FXR2: variants seen among roughly 807,000 people sequenced by gnomAD.
The protein encoded by FXR2 is FMR1 autosomal homolog 2.
FXR2 carries 9 observed loss-of-function variants against 87.3 expected under a neutral mutation model. The observed-to-expected ratio is 0.10, with a 90% CI of 0.06 to 0.18. The LOEUF is 0.18. FXR2 is among the 10% of genes least tolerant of loss of function. The pLI is 1.00. For synonymous variants in FXR2, 331 were observed against 328.3 expected (o/e 1.01, Z -0.09); for missense variants, 661 against 893.6 (o/e 0.74, Z 3.32).
At position 7,602,585 on chromosome 17, in the gene FXR2, C is replaced by G. The variant is rs190802025; in HGVS notation, c.543+324G>C. On this transcript the variant is annotated intron_variant, in intron 6 of 16. Transcript: ENST00000250113. ...TCCATCTCAAAAAAAAAAAAATTAG[C>G]CGGCGTGGTGACGCACACCTGTAAT... 2.9e-3 allele frequency: 497 copies of G among 173,402 alleles called. 1 individual carries two copies. Among genetic ancestry groups the G allele is most frequent in the African/African-American group, 0.011 (467 of 40,798 alleles). 10.7% of individuals were successfully genotyped at this position (173,402 alleles called of 1,614,324 possible).
rs1284591155 is a variant in FXR2, at chr17:7,594,547, A to G, written c.910+132T>C. 2 of 746,432 alleles carry G rather than the reference A, an allele frequency of 2.7e-6. No homozygotes were observed. Among genetic ancestry groups the G allele is most frequent in the African/African-American group, 1.8e-5 (1 of 57,138 alleles). 46.2% of individuals were successfully genotyped at this position (746,432 alleles called of 1,614,324 possible). A position where few individuals can be genotyped will look rare whatever the true frequency, so the allele number is the denominator to read the frequency against. On this transcript the variant is annotated intron_variant, in intron 9 of 16. Transcript: ENST00000250113. This position sits in a 1 kb window ranked among gnomAD's most constrained non-coding sequence, Gnocchi z 5.1. ...TTATTCTTTCATTTTTATCACTCCC[A>G]TTACAGACTGTTTCTCTGTCCTTGT...
At chr17:7,612,405 T>TA (rs899067395) in intron 1 of FXR2, among the ~76,000 whole-genome samples, 13 of 152,216 alleles carry the variant, frequency 8.5e-5, no homozygotes, top group Admixed American at 8.5e-4. Context: ...AGAAAGGAAT[T>TA]AGAGACTTTT....
At chr17:7,612,505 A>C (rs754357651) in intron 1 of FXR2, among the ~76,000 whole-genome samples, 1 of 152,192 alleles carries the variant, frequency 6.6e-6, no homozygotes. Flanking sequence ...AAAAGAGATC[A>C]GCAGGGAGCT....
chr17:7,604,038 G>T lies in FXR2; in HGVS notation c.271C>A (p.Leu91Met). The T allele has an allele frequency of 6.3e-7, 1 of 1,588,440 alleles. No individual in the cohort carries two copies. Among genetic ancestry groups the T allele is most frequent in the South Asian group, 1.1e-5 (1 of 87,144 alleles). The change falls in exon 4 of 17, where the codon CTG becomes ATG. Residue 91 changes from leucine (L) to methionine (M), a missense_variant. Leu to Met is a conservative substitution (Grantham distance 15). Around this residue, in one of 3 missense-constraint regions of FXR2, gnomAD observed 170 missense variants for 247.2 expected, o/e 0.69. Coordinates refer to ENST00000250113, the MANE Select transcript of FXR2 (RefSeq NM_004860.4). ...CCCTTCATCATCCGCACCCGGGCCA[G>T]CCACCAGCCACAAGGTTCCTGTTCA... ...ANEQEPCGWW[L>M]ARVRMMKGDF...
chr17:7,605,318 A>C (rs1002986716), intron 3 of FXR2, among the ~76,000 whole-genome samples: 4 of 152,054 alleles, frequency 2.6e-5, no homozygotes, highest in Non-Finnish European at 5.9e-5. Flanking sequence ...CAGTTAGCTG[A>C]GATCGCGCCA....
Position 7,592,860 on chromosome 17 carries a change from T to C in FXR2, c.1563A>G (p.Leu521=). Residue 521 remains leucine, a synonymous_variant, in exon 14 of 17, where the codon CTA becomes CTG. Coordinates refer to ENST00000250113, the MANE Select transcript of FXR2 (RefSeq NM_004860.4). The surrounding 1 kb of genome is among the most constrained non-coding windows in gnomAD (Gnocchi z 4.8). ...LKDPDSNPYS[L]LDTSEPEPPV... ...GGGGCTCTGGTTCAGACGTGTCCAATAGGCTGTAGGGATTACTGTCTGGAT... is the reference window on the plus strand; with the variant it reads ...GGGGCTCTGGTTCAGACGTGTCCAACAGGCTGTAGGGATTACTGTCTGGAT... 2.5e-6 allele frequency: 4 copies of C among 1,601,578 alleles called. No homozygotes were observed. The highest frequency in any genetic ancestry group is 3.4e-6 in the Non-Finnish European group (4 of 1,173,506).
intron 1 of FXR2, among the ~76,000 whole-genome samples, chr17:7,613,582 G>T (rs911843823): frequency 6.6e-6 from 1 of 152,218 alleles, no homozygotes; most frequent in African/African-American, 2.4e-5. Flanking sequence ...AACTGGGATA[G>T]TTGGCCAAGA....
intron 7 of FXR2, among the ~76,000 whole-genome samples, chr17:7,600,082 G>C (rs1415201177): frequency 6.7e-6 from 1 of 150,284 alleles, no homozygotes; most frequent in Non-Finnish European, 1.5e-5. Context: ...AGTTTTAGTA[G>C]AGACGGGGTT....
rs1047022175 is a variant in FXR2 at position 7,591,518 on chromosome 17, C to A, written c.*312G>T. The A allele has an allele frequency of 1.2e-5, 4 of 345,902 alleles. No individual in the cohort carries two copies. The highest frequency in any genetic ancestry group is 2.2e-5 in the Non-Finnish European group (4 of 181,404). 21.4% of individuals were successfully genotyped at this position (345,902 alleles called of 1,614,324 possible). ...CAAATCTGGGTGGGTCGAGGAGCAC[C>A]CCCCACCAACAGGTGGAGAATGGGG... is the stretch of plus-strand genomic sequence containing the variant. On this transcript the variant is annotated 3_prime_UTR_variant, in exon 17 of 17. Transcript: ENST00000250113. This position sits in a 1 kb window ranked among gnomAD's most constrained non-coding sequence, Gnocchi z 4.0.
At position 7,591,403 on chromosome 17, in the gene FXR2, T is replaced by A. The variant is rs1288745342; in HGVS notation, c.*427A>T. 3 of 204,270 alleles carry A rather than the reference T, an allele frequency of 1.5e-5. No individual in the cohort carries two copies. Among genetic ancestry groups the A allele is most frequent in the Non-Finnish European group, 1.0e-5 (1 of 98,538 alleles). 12.7% of individuals were successfully genotyped at this position (204,270 alleles called of 1,614,324 possible). A position where few individuals can be genotyped will look rare whatever the true frequency, so the allele number is the denominator to read the frequency against. On this transcript the variant is annotated 3_prime_UTR_variant, in exon 17 of 17. Coordinates refer to ENST00000250113, the MANE Select transcript of FXR2 (RefSeq NM_004860.4). The surrounding 1 kb of genome is among the most constrained non-coding windows in gnomAD (Gnocchi z 4.0). ...CCCGTGCCTCCCACCCACTTATCTCTTACTATCCCCGTCTTCCACAGTGAT... is the reference window on the plus strand; with the variant it reads ...CCCGTGCCTCCCACCCACTTATCTCATACTATCCCCGTCTTCCACAGTGAT...
chr17:7,610,137 G>C (rs529831113), intron 1 of FXR2, among the ~76,000 whole-genome samples: 1 of 151,928 alleles, frequency 6.6e-6, no homozygotes, highest in African/African-American at 2.4e-5. Context: ...TGAGATATGA[G>C]AATCACTTGA....
In FXR2 at chr17:7,592,365, C is replaced by G; in HGVS notation, c.1826-11G>C. 1 of 1,603,254 alleles carries G rather than the reference C, an allele frequency of 6.2e-7. No individual in the cohort carries two copies. Among genetic ancestry groups the G allele is most frequent in the Non-Finnish European group, 8.5e-7 (1 of 1,170,044 alleles). ...AGTCAGCCACAGTCACTGGGGAAGGCAGGAGATTAAGACTTTCAGATGGAA... is the reference window on the plus strand; with the variant it reads ...AGTCAGCCACAGTCACTGGGGAAGGGAGGAGATTAAGACTTTCAGATGGAA... On this transcript the variant is annotated splice_polypyrimidine_tract_variant and intron_variant, in intron 15 of 16. Coordinates refer to ENST00000250113, the MANE Select transcript of FXR2 (RefSeq NM_004860.4). This position sits in a 1 kb window ranked among gnomAD's most constrained non-coding sequence, Gnocchi z 4.8.
chr17:7,614,126 A>G (rs1381362452), intron 1 of FXR2: 3 of 572,360 alleles, frequency 5.2e-6, no homozygotes, highest in Non-Finnish European at 9.9e-6. Flanking sequence ...GTCTTCCACC[A>G]GACAACGGAC....
At chr17:7,604,682 C>G (rs1051303769) in intron 3 of FXR2, among the ~76,000 whole-genome samples, 1 of 147,260 alleles carries the variant, frequency 6.8e-6, no homozygotes, top group Non-Finnish European at 1.5e-5. Context: ...CAGAGTGAGA[C>G]TTCATCTCAA....
In FXR2 at chr17:7,591,938, TG is replaced by T; in HGVS notation, c.1927-14del. On this transcript the variant is annotated splice_polypyrimidine_tract_variant and intron_variant, in intron 16 of 16. Transcript: ENST00000250113. The surrounding 1 kb of genome is among the most constrained non-coding windows in gnomAD (Gnocchi z 4.0). ...TGACAGAGTCACCCTGAGGGGAAAG[TG>T]GGAAAGAAAACAGAAAAGCAAGAAG... is the stretch of plus-strand genomic sequence containing the variant. 1 of 1,502,174 alleles carries T rather than the reference TG, an allele frequency of 6.7e-7. No homozygotes were observed. The highest frequency in any genetic ancestry group is 9.2e-7 in the Non-Finnish European group (1 of 1,082,076). 93.1% of individuals were successfully genotyped at this position (1,502,174 alleles called of 1,614,324 possible).
Position 7,601,483 on chromosome 17 carries a change from C to T in FXR2, c.586G>A (p.Asp196Asn). 6.2e-7 allele frequency: 1 copy of T among 1,613,296 alleles called. No individual in the cohort carries two copies. Among genetic ancestry groups the T allele is most frequent in the Non-Finnish European group, 8.5e-7 (1 of 1,179,434 alleles). Reference protein sequence around the residue: ...APVKRASLLGDMHFRSLRTKL... With the variant: ...APVKRASLLGNMHFRSLRTKL... ...GTGCGCAGGCTTCGGAAATGCATAT[C>T]ACCCAGCAGAGATGCTCGCTTCACA... Residue 196 changes from aspartate (D) to asparagine (N), a missense_variant, in exon 7 of 17, where the codon GAT becomes AAT. Transcript: ENST00000250113.
In FXR2 at chr17:7,596,124, G is replaced by A. The variant is rs575739056; in HGVS notation, c.661-130C>T. ...GAAAGCTAGAACCACTCTGGAGTCCGCGGACCACGAGGACCTGTGTGGAAA... is the reference window on the plus strand; with the variant it reads ...GAAAGCTAGAACCACTCTGGAGTCCACGGACCACGAGGACCTGTGTGGAAA... On this transcript the variant is annotated intron_variant, in intron 7 of 16. Coordinates refer to ENST00000250113, the MANE Select transcript of FXR2 (RefSeq NM_004860.4). 117 of 719,344 alleles carry A rather than the reference G, an allele frequency of 1.6e-4. No homozygotes were observed. The African/African-American group carries it at 1.7e-3, about 11-fold the overall frequency. 44.6% of individuals were successfully genotyped at this position (719,344 alleles called of 1,614,324 possible).
At position 7,592,462 on chromosome 17, in the gene FXR2, C is replaced by G. The variant is rs745913594; in HGVS notation, c.1825+42G>C. 8 of 1,588,844 alleles carry G rather than the reference C, an allele frequency of 5.0e-6. No homozygotes were observed. The highest frequency in any genetic ancestry group is 1.7e-5 in the Admixed American group (1 of 59,990). On this transcript the variant is annotated intron_variant, in intron 15 of 16. Transcript: ENST00000250113. The surrounding 1 kb of genome is among the most constrained non-coding windows in gnomAD (Gnocchi z 4.8). ...TTCACAGGGGTGAGCATCCCATTCTCTCAGCTCTGAGGAAGGATTCTGGTG... is the reference window on the plus strand; with the variant it reads ...TTCACAGGGGTGAGCATCCCATTCTGTCAGCTCTGAGGAAGGATTCTGGTG...
Position 7,593,091 on chromosome 17 carries a change from G to C in FXR2, c.1421C>G (p.Pro474Arg), listed in dbSNP as rs375059555. Residue 474 changes from proline (P) to arginine (R), a missense_variant, in exon 13 of 17, where the codon CCA becomes CGA. Pro to Arg is a moderately radical substitution (Grantham distance 103). Around this residue, in one of 3 missense-constraint regions of FXR2, gnomAD observed 409 missense variants for 432.0 expected, o/e 0.95. Coordinates refer to ENST00000250113, the MANE Select transcript of FXR2 (RefSeq NM_004860.4). This position sits in a 1 kb window ranked among gnomAD's most constrained non-coding sequence, Gnocchi z 6.1. Reference sequence around the variant, plus strand: ...CCTCCGGCTTTCTTCCCCTCGGGTTGGGGGATCCCTGTCGCCAGGCCCAGC... The same window carrying C: ...CCTCCGGCTTTCTTCCCCTCGGGTTCGGGGATCCCTGTCGCCAGGCCCAGC... Reference protein sequence around the residue: ...NRAGPGDRDPPTRGEESRRRP... With the variant: ...NRAGPGDRDPRTRGEESRRRP... The C allele has an allele frequency of 9.4e-5, 150 of 1,594,464 alleles. No homozygotes were observed. Among genetic ancestry groups the C allele is most frequent in the Non-Finnish European group, 1.2e-4 (145 of 1,171,240 alleles).
Sources: allele counts gnomAD v4.1 joint callset (sites outside exome capture counted in the v4.1 genomes callset), GRCh38; gene constraint gnomAD v4.1.1; regional missense constraint gnomAD v4.1.1; non-coding constraint Gnocchi (gnomAD v3.1); transcripts MANE v1.5; gene names NCBI Gene and HGNC (gene_info 2026-07-23, HGNC 2026-07-21).